FIGN: variants seen among roughly 807,000 people sequenced by gnomAD.
The protein encoded by FIGN is fidgetin.
A neutral mutation model predicts 51.3 loss-of-function variants in FIGN; 11 were observed. The ratio of observed to expected loss-of-function variants is 0.21; its 90% CI spans 0.13 to 0.35. The LOEUF (loss-of-function observed/expected upper bound fraction) is 0.35, where lower values mean the gene tolerates loss of function less well. FIGN is among the 10% of genes least tolerant of loss of function. FIGN has a pLI of 1.00. For missense variants in FIGN, 857 were observed against 943.6 expected (o/e 0.91, Z 1.20); for synonymous variants, 407 against 363.2 (o/e 1.12, Z -1.37).
chr2:163,686,785 C>CACAT (rs1178612476), intron 2 of FIGN, among the ~76,000 whole-genome samples: 2 of 151,124 alleles, frequency 1.3e-5, no homozygotes, highest in African/African-American at 2.4e-5. Context: ...CATACACACA[C>CACAT]ACACACACAC....
intron 2 of FIGN, among the ~76,000 whole-genome samples, chr2:163,670,566 T>C (rs1198850531): frequency 1.3e-5 from 2 of 152,214 alleles, no homozygotes; most frequent in Non-Finnish European, 2.9e-5. Flanking sequence ...AGCTTACTTA[T>C]AAAAGTCTGC....
In FIGN at chr2:163,710,150, T is replaced by C. The variant is rs530052262; in HGVS notation, c.25+24753A>G. On this transcript the variant is annotated intron_variant, in intron 2 of 2. Transcript: ENST00000333129. Reference sequence around the variant, plus strand: ...TCAATTAGTGTTCTAGTACTGGTCATTAGTGTTCCAGCAAATAAAATACCC... The same window carrying C: ...TCAATTAGTGTTCTAGTACTGGTCACTAGTGTTCCAGCAAATAAAATACCC... Among the ~76,000 whole-genome samples the C allele has an allele frequency of 2.0e-5, 3 of 152,254 alleles. No homozygotes were observed. In the East Asian group the frequency reaches 5.8e-4, roughly 29 times the overall value.
chr2:163,684,405 C>G (rs1396347716), intron 2 of FIGN, among the ~76,000 whole-genome samples: 1 of 152,192 alleles, frequency 6.6e-6, no homozygotes, highest in East Asian at 1.9e-4. Flanking sequence ...AAGCTGGATT[C>G]TAACAATAGT....
At chr2:163,636,888 G>A (rs557766643) in intron 2 of FIGN, among the ~76,000 whole-genome samples, 11 of 152,056 alleles carry the variant, frequency 7.2e-5, no homozygotes, top group Non-Finnish European at 8.8e-5. Context: ...TACCAGCCTG[G>A]CCAACATGGT....
At position 163,611,776 on chromosome 2, in the gene FIGN, G is replaced by C. The variant is rs766019629; in HGVS notation, c.56C>G (p.Ala19Gly). 6 of 1,608,608 alleles carry C rather than the reference G, an allele frequency of 3.7e-6. No homozygotes were observed. The highest frequency in any genetic ancestry group is 5.1e-6 in the Non-Finnish European group (6 of 1,175,460). Reference protein sequence around the residue: ...GLKMQWTPEHAQWPEQHFDIT... With the variant: ...GLKMQWTPEHGQWPEQHFDIT... Reference sequence around the variant, plus strand: ...GTCAAAGTGCTGTTCTGGCCACTGGGCATGCTCTGGCGTCCACTGCATCTT... The same window carrying C: ...GTCAAAGTGCTGTTCTGGCCACTGGCCATGCTCTGGCGTCCACTGCATCTT... The change falls in exon 3 of 3, where the codon GCC becomes GGC. Residue 19 changes from alanine to glycine, a missense_variant. Physicochemically the swap from Ala to Gly is moderately conservative, Grantham distance 60. This residue lies in a region of FIGN where 56 missense variants were observed against 75.3 expected (regional missense o/e 0.74). Coordinates refer to ENST00000333129, the MANE Select transcript of FIGN (RefSeq NM_018086.4).
intron 2 of FIGN, among the ~76,000 whole-genome samples, chr2:163,620,844 T>A (rs1439483546): frequency 8.7e-6 from 1 of 114,300 alleles, no homozygotes; most frequent in Non-Finnish European, 1.8e-5. Context: ...TAACTCTGTG[T>A]AAATATTTGT....
At chr2:163,717,969 TG>T (rs1373658110) in intron 2 of FIGN, among the ~76,000 whole-genome samples, 1 of 152,148 alleles carries the variant, frequency 6.6e-6, no homozygotes, top group Non-Finnish European at 1.5e-5. Flanking sequence ...TTTTTAAATT[TG>T]TCTATGCCAG....
intron 2 of FIGN, among the ~76,000 whole-genome samples, chr2:163,693,456 T>C (rs1242674555): frequency 2.0e-5 from 3 of 152,048 alleles, no homozygotes; most frequent in Non-Finnish European, 1.5e-5. Flanking sequence ...GACTCATGAG[T>C]GAATCAGCAA....
intron 2 of FIGN, among the ~76,000 whole-genome samples, chr2:163,713,264 G>A (rs1355476571): frequency 6.6e-6 from 1 of 152,140 alleles, no homozygotes; most frequent in Non-Finnish European, 1.5e-5. Flanking sequence ...GATCAGCAAT[G>A]ATAGCCTTGT....
At chr2:163,726,845 C>A (rs1266244834) in intron 2 of FIGN, among the ~76,000 whole-genome samples, 1 of 151,998 alleles carries the variant, frequency 6.6e-6, no homozygotes, top group Non-Finnish European at 1.5e-5. Context: ...ATTTCTTCAT[C>A]CATATACTTT....
chr2:163,634,114 G>GTGTGTT lies in FIGN; in HGVS notation c.26-22309_26-22308insAACACA, dbSNP rs1683190943. Reference sequence around the variant, plus strand: ...CGTGTGTGTGTGTGTGTGTGTGTGTGTGTGTGTGTTTGGCTCACTTTAAAA... The same window carrying GTGTGTT: ...CGTGTGTGTGTGTGTGTGTGTGTGTGTGTGTTTGTGTGTGTTTGGCTCACTTTAAAA... On this transcript the variant is annotated intron_variant, in intron 2 of 2. Transcript: ENST00000333129. Among the ~76,000 whole-genome samples the GTGTGTT allele has an allele frequency of 1.3e-5, 2 of 150,990 alleles. 1 individual carries two copies. The highest frequency in any genetic ancestry group is 2.9e-5 in the Non-Finnish European group (2 of 67,800).
Position 163,660,794 on chromosome 2 carries a change from T to TACAC in FIGN, c.26-48989_26-48988insGTGT, listed in dbSNP as rs1683649525. 4.1e-5 allele frequency among the ~76,000 whole-genome samples: 4 copies of TACAC among 97,068 alleles called. 2 individuals are homozygous for TACAC. The Admixed American group carries it at 5.7e-4, about 14-fold the overall frequency. 63.7% of individuals were successfully genotyped at this position (97,068 alleles called of 152,430 possible). On this transcript the variant is annotated intron_variant, in intron 2 of 2. Transcript: ENST00000333129. ...GTATACACATATACATATATATGTATATAGATATACATATATATACATATA... is the reference window on the plus strand; with the variant it reads ...GTATACACATATACATATATATGTATACACATAGATATACATATATATACATATA...
intron 2 of FIGN, among the ~76,000 whole-genome samples, chr2:163,643,838 A>G (rs2105317827): frequency 6.8e-6 from 1 of 147,462 alleles, no homozygotes; most frequent in Admixed American, 7.0e-5. Flanking sequence ...AGGCTGAGGC[A>G]GGACAATCGC....
At chr2:163,697,141 T>C (rs1423068768) in intron 2 of FIGN, among the ~76,000 whole-genome samples, 3 of 146,590 alleles carry the variant, frequency 2.0e-5, no homozygotes, top group African/African-American at 2.6e-5. Flanking sequence ...CTCACTATTG[T>C]ACAGGCTGGA....
intron 2 of FIGN, among the ~76,000 whole-genome samples, chr2:163,731,826 T>C (rs1267627746): frequency 6.6e-6 from 1 of 152,112 alleles, no homozygotes; most frequent in African/African-American, 2.4e-5. Flanking sequence ...AACAGAAGTC[T>C]TACCCTCTTC....
At chr2:163,718,746 G>A (rs1392869782) in intron 2 of FIGN, among the ~76,000 whole-genome samples, 1 of 151,984 alleles carries the variant, frequency 6.6e-6, no homozygotes, top group East Asian at 1.9e-4. Context: ...TATCAAATAA[G>A]TGAAAGTTAG....
intron 2 of FIGN, among the ~76,000 whole-genome samples, chr2:163,719,222 T>G (rs1027084253): frequency 2.0e-5 from 3 of 152,212 alleles, no homozygotes; most frequent in African/African-American, 7.2e-5. Context: ...GATTTTAAGT[T>G]TATTTCTTAA....
chr2:163,734,548 T>TA (rs1399754964), intron 2 of FIGN, among the ~76,000 whole-genome samples: 1 of 51,150 alleles, frequency 2.0e-5, no homozygotes, highest in East Asian at 5.5e-4. Flanking sequence ...TTGCCCAGCC[T>TA]CCCTCCTTCA....
intron 2 of FIGN, among the ~76,000 whole-genome samples, chr2:163,706,452 A>T (rs1559027707): frequency 1.3e-5 from 2 of 152,154 alleles, no homozygotes; most frequent in Non-Finnish European, 2.9e-5. Context: ...CAAATATTGT[A>T]TATTAAATGT....
Sources: gnomAD v4.1 joint callset for allele counts (sites outside exome capture counted in the v4.1 genomes callset) on GRCh38, gnomAD v4.1.1 for gene constraint, gnomAD v4.1.1 regional missense constraint, MANE v1.5 for transcripts, NCBI Gene and HGNC (gene_info 2026-07-23, HGNC 2026-07-21) for gene names.